EPHA6: variants seen among roughly 807,000 people sequenced by gnomAD.
EPHA6 encodes the protein ephrin type-A receptor 6.
A neutral mutation model predicts 112.0 loss-of-function variants in EPHA6; 50 were observed. The observed-to-expected ratio is 0.45, with a 90% CI of 0.36 to 0.56. The LOEUF is 0.56. EPHA6 is among the 20% of genes least tolerant of loss of function. The pLI, the probability that EPHA6 is intolerant of heterozygous loss-of-function variation, is 0.00. For missense variants in EPHA6, 1,280 were observed against 1,417.4 expected (o/e 0.90, Z 1.56); for synonymous variants, 529 against 490.7 (o/e 1.08, Z -1.03).
intron 1 of EPHA6, among the ~76,000 whole-genome samples, chr3:96,818,019 G>C (rs2032940837): frequency 6.6e-6 from 1 of 151,892 alleles, no homozygotes; most frequent in East Asian, 1.9e-4. Context: ...ATCTGATTAA[G>C]TAAGTGGAAA....
intron 2 of EPHA6, among the ~76,000 whole-genome samples, chr3:96,903,042 A>G (rs2038705557): frequency 6.6e-6 from 1 of 152,226 alleles, no homozygotes; most frequent in Admixed American, 6.5e-5. Flanking sequence ...ACAAATAAAT[A>G]AAATACTGAT....
intron 14 of EPHA6, among the ~76,000 whole-genome samples, chr3:97,691,492 G>GT (rs1002132339): frequency 2.0e-5 from 3 of 151,858 alleles, no homozygotes; most frequent in Non-Finnish European, 4.4e-5. Flanking sequence ...TCTGTTGTTG[G>GT]TTTTTTTGCC....
At chr3:97,585,608 T>A (rs1251888126) in intron 11 of EPHA6, among the ~76,000 whole-genome samples, 1 of 152,302 alleles carries the variant, frequency 6.6e-6, no homozygotes, top group Non-Finnish European at 1.5e-5. Flanking sequence ...CCTGAAGGAT[T>A]TTTTTAAGTT....
rs548577170 is a variant in EPHA6 at position 97,642,568 on chromosome 3, G to A, written c.2784+4486G>A. ...AAAAATTTAGAAGAATGTATAACTA[G>A]AATAACCAATACAGAGAAGTGCTTA... On this transcript the variant is annotated intron_variant, in intron 14 of 17. Transcript: ENST00000389672. 2.8e-3 allele frequency among the ~76,000 whole-genome samples: 427 copies of A among 151,208 alleles called. 2 individuals are homozygous for A. The highest frequency in any genetic ancestry group is 9.9e-3 in the African/African-American group (410 of 41,208).
At chr3:97,374,994 G>T (rs1880142) in intron 5 of EPHA6, among the ~76,000 whole-genome samples, 32 of 152,126 alleles carry the variant, frequency 2.1e-4, no homozygotes, top group African/African-American at 7.5e-4. Context: ...AACCTACTAT[G>T]TGTCCAGCGC....
intron 4 of EPHA6, among the ~76,000 whole-genome samples, chr3:97,240,535 T>C (rs984510609): frequency 6.6e-6 from 1 of 151,934 alleles, no homozygotes; most frequent in African/African-American, 2.4e-5. Flanking sequence ...GATTAGTTAT[T>C]GACTTAATTG....
intron 3 of EPHA6, among the ~76,000 whole-genome samples, chr3:97,045,390 A>G (rs915335279): frequency 6.6e-6 from 1 of 152,066 alleles, no homozygotes. Flanking sequence ...TGCCGTAAAT[A>G]GCATAGAGCA....
chr3:97,736,476 T>TG (rs2035266005), intron 16 of EPHA6, among the ~76,000 whole-genome samples: 1 of 149,400 alleles, frequency 6.7e-6, no homozygotes, highest in East Asian at 2.0e-4. Flanking sequence ...AGAGAGTGTG[T>TG]GTGTGTGTGT....
intron 14 of EPHA6, among the ~76,000 whole-genome samples, chr3:97,679,783 T>C (rs1030150379): frequency 6.6e-6 from 1 of 152,184 alleles, no homozygotes; most frequent in Non-Finnish European, 1.5e-5. Context: ...GAAAGGGTTT[T>C]GAATTTAAAT....
chr3:97,249,093 T>C lies in EPHA6; in HGVS notation c.1606+4806T>C, dbSNP rs530045317. 7.2e-5 allele frequency among the ~76,000 whole-genome samples: 11 copies of C among 151,912 alleles called. No individual in the cohort carries two copies. The East Asian group carries it at 2.1e-3, about 29-fold the overall frequency. On this transcript the variant is annotated intron_variant, in intron 5 of 17. Coordinates refer to ENST00000389672, the MANE Select transcript of EPHA6 (RefSeq NM_001080448.3). Reference sequence around the variant, plus strand: ...GTTTTAAATACTTACTAAATATACATGAAATACAAGCCAGAGGCATGATAA... The same window carrying C: ...GTTTTAAATACTTACTAAATATACACGAAATACAAGCCAGAGGCATGATAA...
intron 11 of EPHA6, among the ~76,000 whole-genome samples, chr3:97,570,244 A>G (rs1471324482): frequency 6.6e-6 from 1 of 152,200 alleles, no homozygotes; most frequent in Non-Finnish European, 1.5e-5. Flanking sequence ...GGAGAAAAAG[A>G]GACATGAGTT....
intron 5 of EPHA6, among the ~76,000 whole-genome samples, chr3:97,276,715 C>A (rs1039724122): frequency 6.6e-6 from 1 of 152,066 alleles, no homozygotes; most frequent in Non-Finnish European, 1.5e-5. Flanking sequence ...GCCTTTTGAC[C>A]TTTTAGGTCT....
intron 11 of EPHA6, among the ~76,000 whole-genome samples, chr3:97,574,173 T>G (rs544235836): frequency 1.6e-4 from 25 of 152,258 alleles, no homozygotes; most frequent in Non-Finnish European, 3.4e-4. Context: ...AATCTAAATT[T>G]TATTATCAAA....
At chr3:97,302,993 T>A (rs1240305903) in intron 5 of EPHA6, among the ~76,000 whole-genome samples, 4 of 151,886 alleles carry the variant, frequency 2.6e-5, no homozygotes, top group Non-Finnish European at 5.9e-5. Flanking sequence ...TAACTTAATG[T>A]TGAGGTAAAT....
intron 2 of EPHA6, among the ~76,000 whole-genome samples, chr3:96,931,761 T>A (rs1211133060): frequency 6.6e-6 from 1 of 152,052 alleles, no homozygotes; most frequent in African/African-American, 2.4e-5. Flanking sequence ...AACCAGTGAG[T>A]CTTATCTTGT....
intron 15 of EPHA6, among the ~76,000 whole-genome samples, chr3:97,728,919 T>C (rs1282175739): frequency 2.0e-5 from 3 of 152,168 alleles, no homozygotes; most frequent in East Asian, 3.9e-4. Context: ...CCTCATTTTG[T>C]CCACTCATTT....
At chr3:97,074,511 T>C (rs1359659389) in intron 3 of EPHA6, among the ~76,000 whole-genome samples, 2 of 151,944 alleles carry the variant, frequency 1.3e-5, no homozygotes, top group Admixed American at 6.6e-5. Flanking sequence ...TTTTTTTAAG[T>C]ATGAGTAAGA....
chr3:97,327,963 A>G (rs903175590), intron 5 of EPHA6, among the ~76,000 whole-genome samples: 9 of 107,506 alleles, frequency 8.4e-5, no homozygotes, highest in Admixed American at 8.1e-4. Flanking sequence ...ATCTGTGTGT[A>G]TATATATGTA....
At chr3:97,554,429 A>G (rs988829454) in intron 11 of EPHA6, among the ~76,000 whole-genome samples, 1 of 152,082 alleles carries the variant, frequency 6.6e-6, no homozygotes, top group Non-Finnish European at 1.5e-5. Flanking sequence ...ATTTTTTTTA[A>G]TTTAACAGCT....
Sources: gnomAD v4.1 joint callset for allele counts (sites outside exome capture counted in the v4.1 genomes callset) on GRCh38, gnomAD v4.1.1 for gene constraint, MANE v1.5 for transcripts, NCBI Gene and HGNC (gene_info 2026-07-23, HGNC 2026-07-21) for gene names.